The following PLCL1 variants were observed in gnomAD, a reference collection of about 807,000 sequenced individuals.
PLCL1 encodes the protein inactive phospholipase C-like protein 1.
PLCL1 carries 41 observed loss-of-function variants against 84.4 expected under a neutral mutation model. That is an observed-to-expected ratio of 0.49 (90% CI 0.38 to 0.63). The LOEUF (loss-of-function observed/expected upper bound fraction) is 0.63, where lower values mean the gene tolerates loss of function less well. Among genes scored for constraint, PLCL1 ranks in the 30% least tolerant of loss-of-function variants. The pLI is 0.00. For missense variants in PLCL1, 1,206 were observed against 1,367.8 expected, an observed-to-expected ratio of 0.88 and a Z score of 1.87; for synonymous variants, 490 against 488.3, an observed-to-expected ratio of 1.00 and a Z score of -0.05.
intron 1 of PLCL1, among the ~76,000 whole-genome samples, chr2:197,918,971 T>TCTCTCTCTCTCTCTCTCACACA (rs373512508): frequency 1.4e-5 from 2 of 144,552 alleles, no homozygotes; most frequent in Non-Finnish European, 3.0e-5. Context: ...TCTCTCTCCC[T>TCTCTCTCTCTCTCTCTCACACA]CACACACACA....
At chr2:198,032,086 G>A (rs898829688) in intron 1 of PLCL1, among the ~76,000 whole-genome samples, 1 of 152,090 alleles carries the variant, frequency 6.6e-6, no homozygotes, top group African/African-American at 2.4e-5. Context: ...TTGGAAAAAA[G>A]GAAAAGATAA....
At chr2:197,908,619 C>A (rs1688427900) in intron 1 of PLCL1, among the ~76,000 whole-genome samples, 2 of 152,202 alleles carry the variant, frequency 1.3e-5, no homozygotes, top group Admixed American at 1.3e-4. Context: ...CTTTCTAACT[C>A]ATCTTCTTAT....
At chr2:198,079,673 A>C (rs988395505) in intron 1 of PLCL1, among the ~76,000 whole-genome samples, 2 of 152,208 alleles carry the variant, frequency 1.3e-5, no homozygotes, top group African/African-American at 4.8e-5. Flanking sequence ...AAGACAGTAG[A>C]TCCAAAATGT....
chr2:197,903,649 A>ATT (rs11295926), intron 1 of PLCL1, among the ~76,000 whole-genome samples: 8 of 72,410 alleles, frequency 1.1e-4, no homozygotes, highest in South Asian at 7.0e-4. Flanking sequence ...ACGCCCAGCT[A>ATT]TTTTTTTTTT....
intron 5 of PLCL1, among the ~76,000 whole-genome samples, chr2:198,111,783 G>A (rs1401752102): frequency 6.6e-6 from 1 of 151,852 alleles, no homozygotes; most frequent in Non-Finnish European, 1.5e-5. Flanking sequence ...ATCCCACTAT[G>A]CTATATTGTC....
At chr2:197,833,006 G>C (rs1691103063) in intron 1 of PLCL1, among the ~76,000 whole-genome samples, 1 of 152,236 alleles carries the variant, frequency 6.6e-6, no homozygotes, top group Admixed American at 6.5e-5. Flanking sequence ...AAGGCCGGCA[G>C]ATCATGAGGT....
intron 1 of PLCL1, among the ~76,000 whole-genome samples, chr2:197,968,559 T>C (rs909427013): frequency 6.6e-6 from 1 of 152,242 alleles, no homozygotes; most frequent in African/African-American, 2.4e-5. Context: ...AAAATCACTT[T>C]CTTTGCATTG....
chr2:198,114,795 A>ATGTGTGTGTG lies in PLCL1; in HGVS notation c.3105+10866_3105+10875dup, dbSNP rs397715153. On this transcript the variant is annotated intron_variant, in intron 5 of 5. Coordinates refer to ENST00000428675, the MANE Select transcript of PLCL1 (RefSeq NM_006226.4). ...GAGCAAAATGAGTTCACTTCTCTGAATGTGTGTGTGTGTGTGCATATATAT... is the reference window on the plus strand; with the variant it reads ...GAGCAAAATGAGTTCACTTCTCTGAATGTGTGTGTGTGTGTGTGTGTGTGTGCATATATAT... 2.5e-3 allele frequency among the ~76,000 whole-genome samples: 384 copies of ATGTGTGTGTG among 150,606 alleles called. 3 individuals carry two copies. The highest frequency in any genetic ancestry group is 6.8e-3 in the Middle Eastern group (2 of 292).
At chr2:197,916,807 T>G (rs1330318233) in intron 1 of PLCL1, among the ~76,000 whole-genome samples, 1 of 152,146 alleles carries the variant, frequency 6.6e-6, no homozygotes, top group Admixed American at 6.6e-5. Context: ...GCAAAAGAAC[T>G]GAACAGATAC....
chr2:197,840,751 C>T (rs1686980908), intron 1 of PLCL1, among the ~76,000 whole-genome samples: 1 of 152,176 alleles, frequency 6.6e-6, no homozygotes, highest in African/African-American at 2.4e-5. Context: ...CAATGATCCT[C>T]ATACGTGGAA....
intron 1 of PLCL1, among the ~76,000 whole-genome samples, chr2:198,060,533 G>T (rs1017261131): frequency 6.6e-6 from 1 of 152,172 alleles, no homozygotes; most frequent in Non-Finnish European, 1.5e-5. Flanking sequence ...GAACATTTCA[G>T]TCCTACAGTT....
At chr2:197,819,462 C>T (rs1690763143) in intron 1 of PLCL1, among the ~76,000 whole-genome samples, 1 of 151,994 alleles carries the variant, frequency 6.6e-6, no homozygotes, top group Non-Finnish European at 1.5e-5. Context: ...TATAGAGAAA[C>T]AGAGAGGATC....
chr2:198,087,289 C>T (rs1446817160), intron 2 of PLCL1, among the ~76,000 whole-genome samples: 1 of 152,092 alleles, frequency 6.6e-6, no homozygotes, highest in African/African-American at 2.4e-5. Context: ...CTAGCCTGAA[C>T]ATTTAGAAAT....
intron 1 of PLCL1, among the ~76,000 whole-genome samples, chr2:197,878,991 A>T (rs1325520043): frequency 1.3e-5 from 2 of 152,318 alleles, no homozygotes; most frequent in East Asian, 1.9e-4. Context: ...TTGTCTTGAG[A>T]AATCAGAAGA....
chr2:197,815,266 T>C (rs994198360), intron 1 of PLCL1, among the ~76,000 whole-genome samples: 16 of 152,190 alleles, frequency 1.1e-4, no homozygotes, highest in African/African-American at 2.9e-4. Context: ...TTATGAATTA[T>C]GCCAAATCTA....
chr2:198,067,373 C>T (rs1398597444), intron 1 of PLCL1, among the ~76,000 whole-genome samples: 1 of 152,052 alleles, frequency 6.6e-6, no homozygotes, highest in Non-Finnish European at 1.5e-5. Context: ...GGTGATCCAC[C>T]CGCCTCGGCC....
intron 5 of PLCL1, among the ~76,000 whole-genome samples, chr2:198,145,536 C>T (rs1559120299): frequency 6.6e-6 from 1 of 152,158 alleles, no homozygotes; most frequent in Non-Finnish European, 1.5e-5. Context: ...TGTCCACCTC[C>T]AACTCTTCTT....
At chr2:197,957,730 G>A (rs1689521073) in intron 1 of PLCL1, among the ~76,000 whole-genome samples, 1 of 151,960 alleles carries the variant, frequency 6.6e-6, no homozygotes, top group African/African-American at 2.4e-5. Context: ...AGCTCTAAAT[G>A]GAGGAATGTT....
intron 1 of PLCL1, among the ~76,000 whole-genome samples, chr2:198,083,213 G>A (rs929250587): frequency 6.6e-6 from 1 of 152,138 alleles, no homozygotes; most frequent in African/African-American, 2.4e-5. Flanking sequence ...ATTGGCTATT[G>A]TTAGCTCTCA....
Sources: allele counts gnomAD v4.1 joint callset (sites outside exome capture counted in the v4.1 genomes callset), GRCh38; gene constraint gnomAD v4.1.1; transcripts MANE v1.5; gene names NCBI Gene and HGNC (gene_info 2026-07-23, HGNC 2026-07-21).